Variants in ZNF273 observed in about 807,000 individuals in gnomAD.
The protein encoded by ZNF273 is zinc finger protein 9.
In ZNF273, 11 loss-of-function variants were observed where a neutral mutation model predicts 14.9. That is an observed-to-expected ratio of 0.74 (90% CI 0.46 to 1.22). ZNF273 has a LOEUF of 1.22. ZNF273 is among the 50% of genes most tolerant of loss of function. ZNF273 has a pLI of 0.00. For synonymous variants in ZNF273, 199 were observed against 223.9 expected, an observed-to-expected ratio of 0.89 and a Z score of 0.99; for missense variants, 577 against 660.6, an observed-to-expected ratio of 0.87 and a Z score of 1.39.
At chr7:64,909,269 G>T (rs1407284607) in intron 1 of ZNF273, among the ~76,000 whole-genome samples, 1 of 150,044 alleles carries the variant, frequency 6.7e-6, no homozygotes, top group Non-Finnish European at 1.5e-5. Context: ...CTGTCGCCCA[G>T]ACTGGAGTGC....
chr7:64,913,035 G>T (rs34401948), intron 1 of ZNF273, among the ~76,000 whole-genome samples: 62,986 of 150,954 alleles, frequency 0.42, 13,346 homozygotes, highest in South Asian at 0.45. Context: ...CGCCATGTTG[G>T]CCAGGCTGGT....
At chr7:64,919,734 A>AACTAT (rs1393818725) in intron 3 of ZNF273, among the ~76,000 whole-genome samples, 1 of 152,170 alleles carries the variant, frequency 6.6e-6, no homozygotes, top group Non-Finnish European at 1.5e-5. Context: ...AGATAGTTTA[A>AACTAT]GTGTATGAAA....
At chr7:64,879,266 CGTT>C (rs1473992437) in intron 2 of ZNF273, among the ~76,000 whole-genome samples, 1 of 152,078 alleles carries the variant, frequency 6.6e-6, no homozygotes, top group Non-Finnish European at 1.5e-5. Context: ...GTAGTGATCT[CGTT>C]GTGGGGACTG....
chr7:64,927,553 C>T, intron 3 of ZNF273, 101 bp from the exon 4 acceptor site: 3 of 1,017,484 alleles, frequency 2.9e-6, no homozygotes, highest in Non-Finnish European at 2.8e-6. Flanking sequence ...TTTGCTATAC[C>T]ATCTTCCTTA....
chr7:64,926,449 T>C (rs1794769268), intron 3 of ZNF273, among the ~76,000 whole-genome samples: 1 of 152,144 alleles, frequency 6.6e-6, no homozygotes, highest in South Asian at 2.1e-4. Flanking sequence ...ACAATTTGTT[T>C]TTGATATTTT....
At chr7:64,889,289 C>T (rs543427776), downstream of ZNF273, 1 of 971,334 alleles carries the variant, frequency 1.0e-6, no homozygotes, top group South Asian at 4.8e-5. This position sits in a 1 kb window ranked among gnomAD's most constrained non-coding sequence, Gnocchi z 4.2. Flanking sequence ...CCGGCAGTGT[C>T]CAGGCTCTCG....
chr7:64,912,384 G>C (rs935462243), intron 1 of ZNF273, among the ~76,000 whole-genome samples: 1 of 152,182 alleles, frequency 6.6e-6, no homozygotes, highest in Non-Finnish European at 1.5e-5. Context: ...TAGTGTCTGT[G>C]GGGTGTTGTT....
intron 1 of ZNF273, among the ~76,000 whole-genome samples, chr7:64,885,596 G>T (rs569186816): frequency 2.6e-5 from 4 of 152,192 alleles, no homozygotes; most frequent in African/African-American, 9.6e-5. Context: ...CCTCTAGGTC[G>T]CCCTGGGTTA....
At position 64,929,224 on chromosome 7, in the gene ZNF273, G is replaced by A. The variant is rs192367775; in HGVS notation, c.*186G>A. On this transcript the variant is annotated 3_prime_UTR_variant, in exon 4 of 4. Coordinates refer to ENST00000476120, the MANE Select transcript of ZNF273 (RefSeq NM_021148.3). ...TATCTGCTCATATCTTAACATCAGC[G>A]AGTTGGTATTTAATAAAAGCATTAT... 1.1e-3 allele frequency: 180 copies of A among 166,126 alleles called. No homozygotes were observed. The highest frequency in any genetic ancestry group is 3.6e-3 in the African/African-American group (111 of 30,950). The allele number at this position is 166,126 out of a possible 1,614,324, so 10.3% of individuals were successfully genotyped here. A position where few individuals can be genotyped will look rare whatever the true frequency, so the allele number is the denominator to read the frequency against.
intron 3 of ZNF273, among the ~76,000 whole-genome samples, chr7:64,921,984 C>T (rs544697728): frequency 2.2e-4 from 34 of 152,064 alleles, no homozygotes; most frequent in South Asian, 1.0e-3. Context: ...CACCCAATTG[C>T]GGTTACTATT....
At chr7:64,912,826 G>GTTTTTTGTTGTTGTTGTTGTTT in intron 1 of ZNF273, among the ~76,000 whole-genome samples, 2 of 36,566 alleles carry the variant, frequency 5.5e-5, no homozygotes, top group Admixed American at 8.0e-4. Context: ...ATTCATTTTA[G>GTTTTTTGTTGTTGTTGTTGTTT]TTTTTTTTTT....
intron 1 of ZNF273, among the ~76,000 whole-genome samples, chr7:64,886,371 A>G (rs1197043405): frequency 6.6e-6 from 1 of 152,226 alleles, no homozygotes; most frequent in Non-Finnish European, 1.5e-5. Flanking sequence ...GACAGAATGT[A>G]GGCATTTCTG....
intron 3 of ZNF273, among the ~76,000 whole-genome samples, 154 bp downstream of exon 3, chr7:64,918,446 A>G (rs1794170546): frequency 6.6e-6 from 1 of 152,046 alleles, no homozygotes; most frequent in Non-Finnish European, 1.5e-5. Context: ...GCGGATCACG[A>G]GGTCAAGAGA....
rs373168255 is a variant in ZNF273 at position 64,928,944 on chromosome 7, A to C, written c.1616A>C (p.Glu539Ala). The change falls in exon 4 of 4, where the codon GAG becomes GCG. Residue 539 changes from glutamate to alanine, a missense_variant. This residue lies in a region of ZNF273 where 411 missense variants were observed against 440.4 expected (regional missense o/e 0.93). Transcript: ENST00000476120. ...LTRHKKIHTG[E>A]KPYKPKRCDS... is the part of the protein sequence containing the mutation. The stretch of plus-strand genomic sequence containing the variant: ...CGACATAAGAAAATTCATACTGGAG[A>C]GAAACCATACAAACCTAAAAGATGT... 1.4e-5 allele frequency: 23 copies of C among 1,612,748 alleles called. 1 individual carries two copies. The South Asian group carries it at 2.5e-4, about 18-fold the overall frequency.
the ZNF273 span, among the ~76,000 whole-genome samples, chr7:64,936,027 C>T: frequency 2.6e-5 from 4 of 152,040 alleles, no homozygotes; most frequent in African/African-American, 9.7e-5. Flanking sequence ...ATCTAAAATC[C>T]TGGCTAAACA....
intron 1 of ZNF273, among the ~76,000 whole-genome samples, chr7:64,915,722 C>T (rs1793927360): frequency 6.6e-6 from 1 of 152,166 alleles, no homozygotes; most frequent in African/African-American, 2.4e-5. Context: ...GTTTTGGGGC[C>T]AGTTTATGGC....
At chr7:64,894,834 T>C (rs1373472084), downstream of ZNF273, among the ~76,000 whole-genome samples, 5 of 152,064 alleles carry the variant, frequency 3.3e-5, no homozygotes, top group African/African-American at 9.7e-5. Context: ...TTAGTAGTTA[T>C]ATACGAAAGA....
chr7:64,919,818 G>A (rs1794298565), intron 3 of ZNF273, among the ~76,000 whole-genome samples: 1 of 151,488 alleles, frequency 6.6e-6, no homozygotes, highest in Non-Finnish European at 1.5e-5. Context: ...AGGTTTTCAT[G>A]TACTAGTTGT....
At chr7:64,886,085 T>G (rs148701140) in intron 1 of ZNF273, among the ~76,000 whole-genome samples, 4 of 152,306 alleles carry the variant, frequency 2.6e-5, no homozygotes, top group Admixed American at 2.0e-4. Flanking sequence ...GCTGACTAGG[T>G]ACTCTGGATT....
Sources: allele counts gnomAD v4.1 joint callset (sites outside exome capture counted in the v4.1 genomes callset), GRCh38; gene constraint gnomAD v4.1.1; regional missense constraint gnomAD v4.1.1; non-coding constraint Gnocchi (gnomAD v3.1); transcripts MANE v1.5; gene names NCBI Gene and HGNC (gene_info 2026-07-23, HGNC 2026-07-21).